Variants in RGS22 observed in about 807,000 individuals in gnomAD.
RGS22 encodes regulator of G protein signaling 22, also known as regulator of G-protein signaling 22.
Under a neutral mutation model 172.9 loss-of-function variants are expected in RGS22, and 148 were observed. That is an observed-to-expected ratio of 0.86 (90% confidence interval 0.75 to 0.98). RGS22 has a LOEUF of 0.98. RGS22 is among the 50% of genes least tolerant of loss of function. The pLI is 0.00. For synonymous variants in RGS22, 458 were observed against 480.2 expected (o/e 0.95, Z 0.60); for missense variants, 1,347 against 1,440.8 (o/e 0.93, Z 1.05).
At chr8:99,984,363 A>G (rs185609022) in intron 21 of RGS22, among the ~76,000 whole-genome samples, 1 of 152,354 alleles carries the variant, frequency 6.6e-6, no homozygotes, top group East Asian at 1.9e-4. Context: ...AAGGCTTGTG[A>G]AATAAAACAA....
chr8:99,971,910 C>A (rs1010871957), intron 23 of RGS22, among the ~76,000 whole-genome samples: 2 of 151,966 alleles, frequency 1.3e-5, no homozygotes, highest in Admixed American at 6.6e-5. Flanking sequence ...TTTAAGGTTC[C>A]TATGGAACCA....
intron 17 of RGS22, chr8:100,003,134 G>A: frequency 4.3e-6 from 1 of 230,772 alleles, no homozygotes; most frequent in South Asian, 4.6e-5. Flanking sequence ...TAACTTAATT[G>A]TACATTTAAA....
At chr8:100,058,145 G>C (rs1342109950) in intron 9 of RGS22, among the ~76,000 whole-genome samples, 1 of 149,140 alleles carries the variant, frequency 6.7e-6, no homozygotes, top group East Asian at 2.0e-4. Context: ...CTTGAAGACA[G>C]GCTATTTGAA....
chr8:99,996,537 G>A lies in RGS22; in HGVS notation c.2950-7C>T. The A allele has an allele frequency of 1.2e-6, 2 of 1,609,496 alleles. No homozygotes were observed. Among genetic ancestry groups the A allele is most frequent in the Non-Finnish European group, 1.7e-6 (2 of 1,177,122 alleles). On this transcript the variant is annotated splice_polypyrimidine_tract_variant and splice_region_variant and intron_variant, in intron 19 of 27. Coordinates refer to ENST00000360863, the MANE Select transcript of RGS22 (RefSeq NM_015668.5). The stretch of plus-strand genomic sequence containing the variant: ...CTATGTCTTTCATCTGTACCTGAAA[G>A]CAAAACCAATTATTTTATCCCAGTT...
chr8:100,092,843 C>T (rs1026640034), intron 3 of RGS22, among the ~76,000 whole-genome samples: 1 of 152,172 alleles, frequency 6.6e-6, no homozygotes, highest in African/African-American at 2.4e-5. Context: ...ATCTATGTTA[C>T]ACCAATGACA....
At position 99,969,472 on chromosome 8, in the gene RGS22, G is replaced by A. The variant is rs145416166; in HGVS notation, c.3520-4042C>T. On this transcript the variant is annotated intron_variant, in intron 23 of 27. Transcript: ENST00000360863. ...ATTGGATAAAGAGTCAAGACCCATCGGTGTGCTGTATCCCGGAGACCCATC... is the reference window on the plus strand; with the variant it reads ...ATTGGATAAAGAGTCAAGACCCATCAGTGTGCTGTATCCCGGAGACCCATC... 8.2e-3 allele frequency among the ~76,000 whole-genome samples: 1,252 copies of A among 152,074 alleles called. 9 individuals are homozygous for A. The highest frequency in any genetic ancestry group is 0.015 in the Admixed American group (234 of 15,260).
chr8:100,017,943 A>G (rs918542767), intron 14 of RGS22, among the ~76,000 whole-genome samples: 2 of 152,168 alleles, frequency 1.3e-5, no homozygotes, highest in African/African-American at 4.8e-5. Flanking sequence ...ATTCAAGCAG[A>G]GATTCACTCA....
intron 3 of RGS22, among the ~76,000 whole-genome samples, chr8:100,087,930 T>TTGAGC (rs1475780711): frequency 2.0e-5 from 3 of 152,164 alleles, no homozygotes; most frequent in Non-Finnish European, 4.4e-5. Flanking sequence ...TGCTGTATTT[T>TTGAGC]TGAGCTACAA....
chr8:100,069,690 T>C (rs1249335092), intron 6 of RGS22, among the ~76,000 whole-genome samples: 1 of 152,114 alleles, frequency 6.6e-6, no homozygotes, highest in Non-Finnish European at 1.5e-5. Context: ...AATGAAACCA[T>C]GGATATAATT....
intron 14 of RGS22, among the ~76,000 whole-genome samples, chr8:100,026,548 G>T (rs971684748): frequency 3.9e-5 from 6 of 152,220 alleles, no homozygotes; most frequent in Admixed American, 6.5e-5. Context: ...TGGGACCCAT[G>T]AAGTGACTTC....
chr8:99,998,897 C>T (rs1814681745), intron 19 of RGS22, among the ~76,000 whole-genome samples: 1 of 152,186 alleles, frequency 6.6e-6, no homozygotes, highest in Non-Finnish European at 1.5e-5. Context: ...CGTCTCACAC[C>T]TGTAATCCCA....
At chr8:99,985,234 C>T (rs1812955371) in intron 21 of RGS22, among the ~76,000 whole-genome samples, 1 of 152,212 alleles carries the variant, frequency 6.6e-6, no homozygotes, top group East Asian at 1.9e-4. Flanking sequence ...ATGAGAATCA[C>T]ATCCTTGACC....
At chr8:100,029,724 GA>G (rs919058968) in intron 14 of RGS22, among the ~76,000 whole-genome samples, 10 of 120,588 alleles carry the variant, frequency 8.3e-5, no homozygotes, top group East Asian at 4.6e-4. Flanking sequence ...AAAAAAAAAA[GA>G]AAAAAAGAAA....
intron 20 of RGS22, among the ~76,000 whole-genome samples, chr8:99,992,635 T>G (rs1216828693): frequency 6.6e-6 from 1 of 152,050 alleles, no homozygotes; most frequent in Non-Finnish European, 1.5e-5. Context: ...TAGAGACCTA[T>G]GAAGAGACTT....
At position 100,072,293 on chromosome 8, in the gene RGS22, A is replaced by G. The variant is rs138302766; in HGVS notation, c.340-63T>C. On this transcript the variant is annotated intron_variant, in intron 4 of 27. Coordinates refer to ENST00000360863, the MANE Select transcript of RGS22 (RefSeq NM_015668.5). ...GAAAATCACTTTTAGGATGATTAAC[A>G]CCTAATAGTGAGAGCAATAATGACC... The G allele has an allele frequency of 1.0e-3, 996 of 977,866 alleles. 5 individuals carry two copies. Among genetic ancestry groups the G allele is most frequent in the South Asian group, 3.1e-3 (200 of 64,682 alleles). The allele number at this position is 977,866 out of a possible 1,614,324, so 60.6% of individuals were successfully genotyped here. A position where few individuals can be genotyped will look rare whatever the true frequency, so the allele number is the denominator to read the frequency against.
intron 4 of RGS22, 87 bp downstream of exon 4, chr8:100,080,047 C>A (rs1026183279): frequency 2.6e-5 from 24 of 932,616 alleles, no homozygotes; most frequent in Non-Finnish European, 3.8e-5. Context: ...TGTAGCTACA[C>A]TTCAAAAAGG....
Position 100,041,877 on chromosome 8 carries a change from T to C in RGS22, c.1863A>G (p.Leu621=). The C allele has an allele frequency of 1.9e-6, 3 of 1,613,054 alleles. No individual in the cohort carries two copies. The highest frequency in any genetic ancestry group is 1.1e-5 in the South Asian group (1 of 91,062). ...YMSESSKVIH[L]TSFTDISECL... ...ATTCAGAAATGTCAGTAAAAGATGTTAAATGAATGACTTTGCTGCTTTCTG... is the reference window on the plus strand; with the variant it reads ...ATTCAGAAATGTCAGTAAAAGATGTCAAATGAATGACTTTGCTGCTTTCTG... The change falls in exon 12 of 28, where the codon TTA becomes TTG. Residue 621 remains leucine, a synonymous_variant. Transcript: ENST00000360863.
Position 99,999,387 on chromosome 8 carries a change from G to T in RGS22, c.2824C>A (p.Leu942Ile). 1.9e-6 allele frequency: 3 copies of T among 1,613,892 alleles called. No individual in the cohort carries two copies. The highest frequency in any genetic ancestry group is 2.5e-6 in the Non-Finnish European group (3 of 1,179,908). The change falls in exon 19 of 28, where the codon CTT (leucine) becomes ATT (isoleucine). Residue 942 changes from leucine to isoleucine, a missense_variant. Leu to Ile is a conservative substitution (Grantham distance 5). Coordinates refer to ENST00000360863, the MANE Select transcript of RGS22 (RefSeq NM_015668.5). ...ACAGGTGCATCAAGCTGCTCATGAAGAATCTTCCCCCAGCCACCACTTAAA... is the reference window on the plus strand; with the variant it reads ...ACAGGTGCATCAAGCTGCTCATGAATAATCTTCCCCCAGCCACCACTTAAA... ...MHLSGGWGKI[L>I]HEQLDAPVLV...
chr8:100,010,124 G>C (rs1377153536), intron 14 of RGS22, among the ~76,000 whole-genome samples: 1 of 151,952 alleles, frequency 6.6e-6, no homozygotes. Context: ...TGCACATATT[G>C]TTCCTTCCAT....
Sources: gnomAD v4.1 joint callset for allele counts (sites outside exome capture counted in the v4.1 genomes callset) on GRCh38, gnomAD v4.1.1 for gene constraint, MANE v1.5 for transcripts, NCBI Gene and HGNC (gene_info 2026-07-23, HGNC 2026-07-21) for gene names.